DSCAM: variants seen among roughly 807,000 people sequenced by gnomAD.
The protein encoded by DSCAM is DS cell adhesion molecule.
A neutral mutation model predicts 217.7 loss-of-function variants in DSCAM; 47 were observed. That is an observed-to-expected ratio of 0.22 (90% CI 0.17 to 0.28). The LOEUF (loss-of-function observed/expected upper bound fraction) is 0.28, where lower values mean the gene tolerates loss of function less well. Ranked by LOEUF, DSCAM falls within the 10% of genes least tolerant of loss-of-function variation. The pLI is 1.00. For missense variants in DSCAM, 2,080 were observed against 2,618.3 expected (o/e 0.79, Z 4.49); for synonymous variants, 1,056 against 1,015.3 (o/e 1.04, Z -0.76).
chr21:40,226,211 A>G (rs1199546240), intron 11 of DSCAM, among the ~76,000 whole-genome samples: 1 of 152,180 alleles, frequency 6.6e-6, no homozygotes, highest in Non-Finnish European at 1.5e-5. Context: ...TTCTCCCCAA[A>G]TGGTAGTGAA....
chr21:40,415,798 C>T (rs1041507469), intron 3 of DSCAM, among the ~76,000 whole-genome samples: 1 of 152,156 alleles, frequency 6.6e-6, no homozygotes, highest in Non-Finnish European at 1.5e-5. Flanking sequence ...CTTCCCCTCT[C>T]TAAACTCTCC....
chr21:40,407,371 C>T (rs2075287997), intron 3 of DSCAM, among the ~76,000 whole-genome samples: 1 of 152,342 alleles, frequency 6.6e-6, no homozygotes, highest in East Asian at 1.9e-4. Flanking sequence ...ATTTGTGAGA[C>T]AACTTTGCCT....
At chr21:40,472,886 C>A (rs148703009) in intron 3 of DSCAM, among the ~76,000 whole-genome samples, 1 of 152,010 alleles carries the variant, frequency 6.6e-6, no homozygotes, top group Non-Finnish European at 1.5e-5. Flanking sequence ...TGGAGAGAAA[C>A]GAGAAGAGAA....
At chr21:40,374,462 C>A (rs919277491) in intron 3 of DSCAM, among the ~76,000 whole-genome samples, 1 of 152,142 alleles carries the variant, frequency 6.6e-6, no homozygotes, top group Non-Finnish European at 1.5e-5. Context: ...ATAATTCTGC[C>A]ATTTGGAGCT....
chr21:40,446,647 A>T (rs142977439), intron 3 of DSCAM, among the ~76,000 whole-genome samples: 106 of 152,336 alleles, frequency 7.0e-4, no homozygotes, highest in Middle Eastern at 3.4e-3. Flanking sequence ...GGCTCTGGCC[A>T]AGTCTCAAAG....
chr21:40,539,549 A>G (rs1184312771), intron 3 of DSCAM, among the ~76,000 whole-genome samples: 2 of 151,846 alleles, frequency 1.3e-5, no homozygotes, highest in African/African-American at 4.8e-5. Flanking sequence ...GTGAAATTTT[A>G]TTTGAGAAAA....
chr21:40,337,202 T>C (rs1156733362), intron 8 of DSCAM, among the ~76,000 whole-genome samples: 1 of 152,054 alleles, frequency 6.6e-6, no homozygotes, highest in African/African-American at 2.4e-5. Context: ...CTATGCAACT[T>C]TGTAACAAGG....
At chr21:40,099,092 G>A (rs868617638) in intron 20 of DSCAM, among the ~76,000 whole-genome samples, 1 of 152,092 alleles carries the variant, frequency 6.6e-6, no homozygotes, top group Non-Finnish European at 1.5e-5. Context: ...TACTCTTACT[G>A]AACATTAAGC....
At chr21:40,522,738 C>T (rs2076369182) in intron 3 of DSCAM, among the ~76,000 whole-genome samples, 1 of 152,190 alleles carries the variant, frequency 6.6e-6, no homozygotes, top group African/African-American at 2.4e-5. Context: ...GAATTTTCGT[C>T]AAGAGTTTTC....
chr21:40,018,773 T>TA (rs1457367727), intron 32 of DSCAM, among the ~76,000 whole-genome samples: 1 of 152,172 alleles, frequency 6.6e-6, no homozygotes, highest in East Asian at 1.9e-4. Context: ...AGATGAGAAA[T>TA]AAAAATCCTT....
chr21:40,696,206 A>G (rs1015365520), intron 2 of DSCAM, among the ~76,000 whole-genome samples: 2 of 152,072 alleles, frequency 1.3e-5, no homozygotes, highest in African/African-American at 4.8e-5. Context: ...ATCTTCTCAA[A>G]GCAGGGACAG....
chr21:40,579,939 G>A (rs2076890623), intron 3 of DSCAM, among the ~76,000 whole-genome samples: 1 of 152,144 alleles, frequency 6.6e-6, no homozygotes, highest in Admixed American at 6.5e-5. Flanking sequence ...GTGGCCCAGG[G>A]TACTCAGCTG....
At chr21:40,594,871 T>TA (rs2077009721) in intron 3 of DSCAM, among the ~76,000 whole-genome samples, 1 of 152,132 alleles carries the variant, frequency 6.6e-6, no homozygotes, top group South Asian at 2.1e-4. Flanking sequence ...CCCCATATGC[T>TA]AAAGAGATAT....
chr21:40,348,111 C>T (rs1268154900), intron 5 of DSCAM, among the ~76,000 whole-genome samples, 166 bp from the exon 6 acceptor site: 2 of 151,960 alleles, frequency 1.3e-5, no homozygotes, highest in Non-Finnish European at 2.9e-5. Context: ...TCCCATCAGC[C>T]ACATTATTGC....
chr21:40,331,177 A>G (rs1006570297), intron 8 of DSCAM, among the ~76,000 whole-genome samples: 5 of 152,244 alleles, frequency 3.3e-5, no homozygotes, highest in Non-Finnish European at 7.3e-5. Flanking sequence ...GTGACAGATT[A>G]AGAATGAAAG....
intron 2 of DSCAM, among the ~76,000 whole-genome samples, chr21:40,706,666 T>C (rs528066297): frequency 9.2e-5 from 14 of 152,268 alleles, no homozygotes; most frequent in African/African-American, 3.4e-4. Context: ...TGTCAAAGGG[T>C]AGCATTTATG....
chr21:40,616,230 G>A (rs1366188277), intron 3 of DSCAM, among the ~76,000 whole-genome samples: 2 of 152,192 alleles, frequency 1.3e-5, no homozygotes, highest in African/African-American at 4.8e-5. Flanking sequence ...GCCTGACAGT[G>A]CCAGAGTCTC....
intron 1 of DSCAM, among the ~76,000 whole-genome samples, chr21:40,759,958 C>CATTCATTT (rs2091314052): frequency 1.5e-5 from 2 of 135,762 alleles, no homozygotes; most frequent in African/African-American, 5.5e-5. Context: ...GATACGTTTA[C>CATTCATTT]ATTTATTTAT....
chr21:40,682,471 A>T (rs1038975033), intron 3 of DSCAM, among the ~76,000 whole-genome samples: 6 of 151,102 alleles, frequency 4.0e-5, no homozygotes, highest in African/African-American at 1.5e-4. Flanking sequence ...TGTGTCCCCT[A>T]AAGTTGTAGA....
Sources: allele counts gnomAD v4.1 joint callset (sites outside exome capture counted in the v4.1 genomes callset), GRCh38; gene constraint gnomAD v4.1.1; transcripts MANE v1.5; gene names NCBI Gene and HGNC (gene_info 2026-07-23, HGNC 2026-07-21).